ZNHIT6: variants seen among roughly 807,000 people sequenced by gnomAD.
The protein encoded by ZNHIT6 is box C/D snoRNA protein 1.
Under a neutral mutation model 57.2 loss-of-function variants are expected in ZNHIT6, and 45 were observed. That is an observed-to-expected ratio of 0.79 (90% CI 0.62 to 1.01). The LOEUF (loss-of-function observed/expected upper bound fraction) is 1.01. Ranked by LOEUF, ZNHIT6 falls within the 50% of genes least tolerant of loss-of-function variation. The pLI, the probability that ZNHIT6 is intolerant of heterozygous loss-of-function variation, is 0.00. For missense variants in ZNHIT6, 528 were observed against 567.3 expected, an observed-to-expected ratio of 0.93 and a Z score of 0.70; for synonymous variants, 188 against 190.0, an observed-to-expected ratio of 0.99 and a Z score of 0.09.
rs1471641849 is a variant in ZNHIT6 at position 85,667,946 on chromosome 1, T to TAAAAAAAAAAAAA, written c.1247+9289_1247+9290insTTTTTTTTTTTTT. On this transcript the variant is annotated intron_variant, in intron 8 of 9. Transcript: ENST00000370574. Reference sequence around the variant, plus strand: ...GAGACTCATTCACTCACTCTCTCTTTCAAAAAAAAAAAAAAATATATATAT... The same window carrying TAAAAAAAAAAAAA: ...GAGACTCATTCACTCACTCTCTCTTTAAAAAAAAAAAAACAAAAAAAAAAAAAAATATATATAT... Among the ~76,000 whole-genome samples, 32 of 3,740 alleles carry TAAAAAAAAAAAAA rather than the reference T, an allele frequency of 8.6e-3. 2 individuals carry two copies. The highest frequency in any genetic ancestry group is 0.012 in the Non-Finnish European group (23 of 1,852). 2.5% of individuals were successfully genotyped at this position (3,740 alleles called of 152,430 possible).
chr1:85,677,341 A>G lies in ZNHIT6; in HGVS notation c.1170-28T>C, dbSNP rs374143614. 4.7e-5 allele frequency: 74 copies of G among 1,572,082 alleles called. No homozygotes were observed. In the African/African-American group the frequency reaches 8.6e-4, roughly 18 times the overall value. On this transcript the variant is annotated intron_variant, in intron 7 of 9. Coordinates refer to ENST00000370574, the MANE Select transcript of ZNHIT6 (RefSeq NM_017953.4). ...GAAATAAAAACATCATATTGAAGGA[A>G]AAGCTGATTTTTAATATATTTCAAG...
At position 85,706,250 on chromosome 1, in the gene ZNHIT6, A is replaced by C; in HGVS notation, c.828T>G (p.Ser276Arg). The C allele has an allele frequency of 6.2e-7, 1 of 1,610,996 alleles. No homozygotes were observed. Among genetic ancestry groups the C allele is most frequent in the Non-Finnish European group, 8.5e-7 (1 of 1,177,986 alleles). Reference sequence around the variant, plus strand: ...TTTGCTATGCATAAAGTGGCTTACCACTTAGGAGATTCATTTCAGTAAACT... The same window carrying C: ...TTTGCTATGCATAAAGTGGCTTACCCCTTAGGAGATTCATTTCAGTAAACT... The part of the protein sequence containing the change: ...IQQFTEMNLL[S>R]DYRFLEDVAR... Residue 276 changes from serine to arginine, a missense_variant and splice_region_variant, in exon 3 of 10, where the codon AGT becomes AGG. Coordinates refer to ENST00000370574, the MANE Select transcript of ZNHIT6 (RefSeq NM_017953.4).
chr1:85,654,113 G>A lies in ZNHIT6; in HGVS notation c.1373-15C>T, dbSNP rs1198550269. 3 of 1,608,126 alleles carry A rather than the reference G, an allele frequency of 1.9e-6. No individual in the cohort carries two copies. The highest frequency in any genetic ancestry group is 1.7e-6 in the Non-Finnish European group (2 of 1,176,844). ...TTCACTCTTCACTAGAAAAAAATAA[G>A]TAAACATACAGTCAAGTGTTTATAT... On this transcript the variant is annotated splice_polypyrimidine_tract_variant and intron_variant, in intron 9 of 9. Coordinates refer to ENST00000370574, the MANE Select transcript of ZNHIT6 (RefSeq NM_017953.4).
chr1:85,670,438 T>C (rs956224649), intron 8 of ZNHIT6, among the ~76,000 whole-genome samples: 3 of 152,130 alleles, frequency 2.0e-5, no homozygotes, highest in Non-Finnish European at 4.4e-5. Context: ...TATATACATA[T>C]ATATACACAC....
chr1:85,699,471 T>C (rs1378758810), intron 5 of ZNHIT6, among the ~76,000 whole-genome samples: 2 of 152,120 alleles, frequency 1.3e-5, no homozygotes, highest in Non-Finnish European at 2.9e-5. Flanking sequence ...TTCTGCCTCC[T>C]GCAGTGGACA....
At chr1:85,703,887 C>T (rs1357215827) in intron 4 of ZNHIT6, among the ~76,000 whole-genome samples, 3 of 152,138 alleles carry the variant, frequency 2.0e-5, no homozygotes, top group African/African-American at 7.2e-5. Context: ...CCAACTTGCA[C>T]TAGCATCCAA....
At chr1:85,674,649 C>T (rs1244395339) in intron 8 of ZNHIT6, among the ~76,000 whole-genome samples, 2 of 152,274 alleles carry the variant, frequency 1.3e-5, no homozygotes, top group South Asian at 2.1e-4. Flanking sequence ...TCAATCATTA[C>T]ATAATTCTTT....
chr1:85,665,540 C>T (rs1346822804), intron 8 of ZNHIT6, among the ~76,000 whole-genome samples: 5 of 152,082 alleles, frequency 3.3e-5, no homozygotes, highest in Non-Finnish European at 7.4e-5. Context: ...GATAAGAACA[C>T]TTAAAATGTA....
At chr1:85,674,234 A>G (rs821377) in intron 8 of ZNHIT6, among the ~76,000 whole-genome samples, 119,848 of 152,174 alleles carry the variant, frequency 0.79, 47,995 homozygotes, top group East Asian at 0.94. Context: ...TTTGGAAGAT[A>G]AGCTTTCTCC....
chr1:85,669,901 A>G (rs966667074), intron 8 of ZNHIT6, among the ~76,000 whole-genome samples: 4 of 152,180 alleles, frequency 2.6e-5, no homozygotes, highest in Non-Finnish European at 4.4e-5. Flanking sequence ...GCACTGGGCT[A>G]GCACATGGAA....
intron 8 of ZNHIT6, among the ~76,000 whole-genome samples, chr1:85,661,671 A>C (rs1379585182): frequency 6.6e-6 from 1 of 152,208 alleles, no homozygotes; most frequent in Non-Finnish European, 1.5e-5. Context: ...TCTTGAAGCA[A>C]GTTTTAAGAG....
At chr1:85,657,406 G>A (rs77276155) in intron 9 of ZNHIT6, among the ~76,000 whole-genome samples, 3,721 of 143,722 alleles carry the variant, frequency 0.026, 168 homozygotes, top group African/African-American at 0.091. Flanking sequence ...TATAAGGTAG[G>A]ATACTAGGCT....
rs3059888 is a variant in ZNHIT6 at position 85,701,941 on chromosome 1, G to GACACAC, written c.1019+210_1019+215dup. Among the ~76,000 whole-genome samples the GACACAC allele has an allele frequency of 8.2e-3, 1,229 of 150,400 alleles. 17 individuals are homozygous for GACACAC. Among genetic ancestry groups the GACACAC allele is most frequent in the African/African-American group, 0.028 (1,161 of 41,008 alleles). ...TGAGAAGCTTCTCAAATGATATGAA[G>GACACAC]ACACACACACACACACACACACACG... On this transcript the variant is annotated intron_variant, in intron 5 of 9. Coordinates refer to ENST00000370574, the MANE Select transcript of ZNHIT6 (RefSeq NM_017953.4).
chr1:85,703,045 T>C (rs894999109), intron 4 of ZNHIT6, among the ~76,000 whole-genome samples: 1 of 152,200 alleles, frequency 6.6e-6, no homozygotes, highest in Non-Finnish European at 1.5e-5. Context: ...TCAGCTATCA[T>C]TGGCTAAGTA....
At chr1:85,668,806 CAT>C (rs1171969756) in intron 8 of ZNHIT6, among the ~76,000 whole-genome samples, 2 of 152,172 alleles carry the variant, frequency 1.3e-5, no homozygotes, top group Non-Finnish European at 1.5e-5. Context: ...TATCAATTGA[CAT>C]GTTTCTTTAT....
chr1:85,665,523 T>C (rs192053066), intron 8 of ZNHIT6, among the ~76,000 whole-genome samples: 4 of 152,290 alleles, frequency 2.6e-5, no homozygotes, highest in African/African-American at 9.6e-5. Context: ...TTTTTCTTTT[T>C]TCTTGTGATA....
rs201970525 is a variant in ZNHIT6, at chr1:85,654,050, A to C, written c.*8T>G. On this transcript the variant is annotated 3_prime_UTR_variant, in exon 10 of 10. Coordinates refer to ENST00000370574, the MANE Select transcript of ZNHIT6 (RefSeq NM_017953.4). ...GAAGTTTTCACTTTCTTCTTCCAGA[A>C]AAAATGCTCAATTTTCATTGCCAAC... 24 of 1,611,762 alleles carry C rather than the reference A, an allele frequency of 1.5e-5. No individual in the cohort carries two copies. Among genetic ancestry groups the C allele is most frequent in the Non-Finnish European group, 2.0e-5 (23 of 1,178,964 alleles).
intron 5 of ZNHIT6, among the ~76,000 whole-genome samples, chr1:85,685,246 C>T (rs928406886): frequency 6.6e-6 from 1 of 152,064 alleles, no homozygotes; most frequent in African/African-American, 2.4e-5. Context: ...ATGTCCACTG[C>T]ACCACTTTAT....
chr1:85,659,509 C>T (rs1221062732), intron 8 of ZNHIT6, among the ~76,000 whole-genome samples: 2 of 152,174 alleles, frequency 1.3e-5, no homozygotes, highest in Non-Finnish European at 2.9e-5. Flanking sequence ...GTAACTCCAT[C>T]CTTTTATCTC....
Sources: gnomAD v4.1 joint callset for allele counts (sites outside exome capture counted in the v4.1 genomes callset) on GRCh38, gnomAD v4.1.1 for gene constraint, MANE v1.5 for transcripts, NCBI Gene and HGNC (gene_info 2026-07-23, HGNC 2026-07-21) for gene names.